Variants in TAF3 observed in about 807,000 individuals in gnomAD.
TAF3 encodes the protein transcription initiation factor TFIID subunit 3.
TAF3 carries 7 observed loss-of-function variants against 80.6 expected under a neutral mutation model. The ratio of observed to expected loss-of-function variants is 0.09; its 90% CI spans 0.05 to 0.16. The LOEUF (loss-of-function observed/expected upper bound fraction) is 0.16. Ranked by LOEUF, TAF3 falls within the 10% of genes least tolerant of loss-of-function variation. TAF3 has a pLI of 1.00. For missense variants in TAF3, 921 were observed against 1,140.2 expected (o/e 0.81, Z 2.77); for synonymous variants, 444 against 446.1 (o/e 1.00, Z 0.06).
chr10:8,009,249 C>A lies in TAF3; in HGVS notation c.2487C>A (p.Pro829=). 2.0e-6 allele frequency: 3 copies of A among 1,525,558 alleles called. No individual in the cohort carries two copies. The highest frequency in any genetic ancestry group is 2.6e-6 in the Non-Finnish European group (3 of 1,138,688). 94.5% of individuals were successfully genotyped at this position (1,525,558 alleles called of 1,614,324 possible). The part of the protein sequence containing the change: ...AQAAAGPALL[P]SPGPAASGAS... ...CCGCCGCGGGCCCTGCCCTGCTGCCCTCCCCGGGTCCCGCCGCCTCCGGGG... is the reference window on the plus strand; with the variant it reads ...CCGCCGCGGGCCCTGCCCTGCTGCCATCCCCGGGTCCCGCCGCCTCCGGGG... Residue 829 remains proline, a synonymous_variant, in exon 5 of 7, where the codon CCC becomes CCA. Coordinates refer to ENST00000344293, the MANE Select transcript of TAF3 (RefSeq NM_031923.4). This position sits in a 1 kb window ranked among gnomAD's most constrained non-coding sequence, Gnocchi z 4.1.
chr10:7,944,025 C>T (rs979670220), intron 2 of TAF3, among the ~76,000 whole-genome samples: 1 of 150,488 alleles, frequency 6.6e-6, no homozygotes, highest in African/African-American at 2.5e-5. Flanking sequence ...AGGAAGAATG[C>T]AAAACCATGA....
intron 4 of TAF3, among the ~76,000 whole-genome samples, chr10:8,000,758 A>G (rs1887581): frequency 0.014 from 2,150 of 152,316 alleles, 45 homozygotes; most frequent in African/African-American, 0.042. Context: ...TAGCCTGGGC[A>G]GCAGAGTGAG....
chr10:7,990,088 G>C (rs1025068597), intron 4 of TAF3, among the ~76,000 whole-genome samples: 1 of 152,092 alleles, frequency 6.6e-6, no homozygotes, highest in Admixed American at 6.5e-5. Flanking sequence ...TTAACTAGTA[G>C]AGCACTTCTG....
chr10:7,998,912 C>T (rs1019134012), intron 4 of TAF3, among the ~76,000 whole-genome samples: 1 of 151,664 alleles, frequency 6.6e-6, no homozygotes, highest in African/African-American at 2.4e-5. Flanking sequence ...TCAGGTAAGG[C>T]AAATAATATT....
intron 4 of TAF3, among the ~76,000 whole-genome samples, chr10:7,977,917 A>G (rs1264281135): frequency 6.6e-6 from 1 of 151,490 alleles, no homozygotes; most frequent in Non-Finnish European, 1.5e-5. Flanking sequence ...ATATCAACCC[A>G]CTCGTCTTTA....
At chr10:7,963,738 A>G (rs1407660427) in intron 2 of TAF3, among the ~76,000 whole-genome samples, 182 bp from the exon 3 acceptor site, 3 of 152,106 alleles carry the variant, frequency 2.0e-5, no homozygotes, top group Middle Eastern at 3.2e-3. Flanking sequence ...CAGCAAATTA[A>G]CAGGGCACAT....
intron 2 of TAF3, among the ~76,000 whole-genome samples, chr10:7,863,623 AAAAATAT>A (rs1837171619): frequency 1.3e-5 from 1 of 79,626 alleles, no homozygotes; most frequent in African/African-American, 4.3e-5. Flanking sequence ...AAAAAAAAAA[AAAAATAT>A]ATATATATAT....
At chr10:7,916,098 C>T (rs1375334866) in intron 2 of TAF3, among the ~76,000 whole-genome samples, 2 of 152,104 alleles carry the variant, frequency 1.3e-5, no homozygotes, top group Non-Finnish European at 2.9e-5. Flanking sequence ...TAGTGTAGCT[C>T]CACCTCTTAA....
intron 2 of TAF3, among the ~76,000 whole-genome samples, chr10:7,872,658 A>G (rs1366982995): frequency 6.6e-6 from 1 of 152,212 alleles, no homozygotes; most frequent in African/African-American, 2.4e-5. Flanking sequence ...TAATTCTTGC[A>G]GGGTTTTCAA....
At chr10:7,981,443 A>G (rs1437902292) in intron 4 of TAF3, among the ~76,000 whole-genome samples, 1 of 152,206 alleles carries the variant, frequency 6.6e-6, no homozygotes, top group African/African-American at 2.4e-5. Flanking sequence ...GTTTTCTCTA[A>G]TAAATATCTC....
At chr10:7,957,792 G>A (rs377628932) in intron 2 of TAF3, among the ~76,000 whole-genome samples, 2 of 134,288 alleles carry the variant, frequency 1.5e-5, no homozygotes, top group African/African-American at 5.9e-5. Flanking sequence ...TCTCTCTAGC[G>A]CGCTCTCTCT....
chr10:7,973,085 C>CAA (rs1404852213), intron 3 of TAF3, among the ~76,000 whole-genome samples: 1 of 152,192 alleles, frequency 6.6e-6, no homozygotes, highest in East Asian at 1.9e-4. Context: ...CTAGGTAAAG[C>CAA]ACTTACTCCT....
intron 4 of TAF3, among the ~76,000 whole-genome samples, chr10:7,978,353 C>T (rs532164613): frequency 4.6e-5 from 7 of 152,104 alleles, no homozygotes; most frequent in East Asian, 3.9e-4. Flanking sequence ...GTCAGTTCCA[C>T]GTGTAGTGCA....
At chr10:7,829,705 A>G (rs1836779197) in intron 2 of TAF3, among the ~76,000 whole-genome samples, 1 of 152,136 alleles carries the variant, frequency 6.6e-6, no homozygotes, top group East Asian at 1.9e-4. Flanking sequence ...TGGCTGGGGT[A>G]GTGTTTATCT....
Position 7,908,916 on chromosome 10 carries a change from C to G in TAF3, c.410-55004C>G, listed in dbSNP as rs558607756. ...CCCCAGAGGTTCTGAGTCAGTGGCC[C>G]TGGGATGGAGCCCAGAACTTGCATT... On this transcript the variant is annotated intron_variant, in intron 2 of 6. Transcript: ENST00000344293. 3.8e-3 allele frequency among the ~76,000 whole-genome samples: 581 copies of G among 152,358 alleles called. 1 individual carries two copies. Among genetic ancestry groups the G allele is most frequent in the African/African-American group, 0.013 (541 of 41,582 alleles).
intron 2 of TAF3, among the ~76,000 whole-genome samples, chr10:7,916,915 C>T (rs1837716492): frequency 1.3e-5 from 2 of 152,098 alleles, no homozygotes; most frequent in African/African-American, 2.4e-5. Flanking sequence ...TAATTGGGTT[C>T]GTACTCAATT....
At chr10:7,946,999 A>T (rs1838031261) in intron 2 of TAF3, among the ~76,000 whole-genome samples, 1 of 152,092 alleles carries the variant, frequency 6.6e-6, no homozygotes. Context: ...TGGCCTTAAG[A>T]GATCCTCTCA....
chr10:7,986,671 C>T (rs77254498), intron 4 of TAF3, among the ~76,000 whole-genome samples: 8,889 of 152,210 alleles, frequency 0.058, 893 homozygotes, highest in African/African-American at 0.2. Flanking sequence ...CATCTTCAAG[C>T]TTGGCTGTCT....
At chr10:7,876,897 C>G (rs1022171973) in intron 2 of TAF3, among the ~76,000 whole-genome samples, 2 of 152,144 alleles carry the variant, frequency 1.3e-5, no homozygotes, top group African/African-American at 2.4e-5. Context: ...AGGACAGTGC[C>G]AGACCTATCA....
Sources: gnomAD v4.1 joint callset for allele counts (sites outside exome capture counted in the v4.1 genomes callset) on GRCh38, gnomAD v4.1.1 for gene constraint, Gnocchi (gnomAD v3.1) non-coding constraint, MANE v1.5 for transcripts, NCBI Gene and HGNC (gene_info 2026-07-23, HGNC 2026-07-21) for gene names.